The following TNFRSF8 variants were observed in gnomAD, a reference collection of about 807,000 sequenced individuals.
TNFRSF8 encodes tumor necrosis factor receptor superfamily member 8.
Under a neutral mutation model 70.8 loss-of-function variants are expected in TNFRSF8, and 26 were observed. The ratio of observed to expected loss-of-function variants is 0.37; its 90% confidence interval spans 0.27 to 0.51. The LOEUF is 0.51. TNFRSF8 is among the 20% of genes least tolerant of loss of function. TNFRSF8 has a pLI of 0.94. For synonymous variants in TNFRSF8, 356 were observed against 339.2 expected (o/e 1.05, Z -0.54); for missense variants, 720 against 807.9 (o/e 0.89, Z 1.32).
At chr1:12,067,632 T>C (rs1640764490) in intron 1 of TNFRSF8, among the ~76,000 whole-genome samples, 1 of 151,296 alleles carries the variant, frequency 6.6e-6, no homozygotes, top group Admixed American at 6.6e-5. Flanking sequence ...GAGGTTGCAG[T>C]GAGCCAGCAC....
chr1:12,101,578 A>T (rs1641423688), intron 3 of TNFRSF8, among the ~76,000 whole-genome samples: 1 of 152,230 alleles, frequency 6.6e-6, no homozygotes, highest in African/African-American at 2.4e-5. Context: ...GTTTGTTTAT[A>T]CCAACATCTC....
chr1:12,104,310 A>G, intron 3 of TNFRSF8, 69 bp from the exon 4 acceptor site: 1 of 1,576,568 alleles, frequency 6.3e-7, no homozygotes, highest in Non-Finnish European at 8.7e-7. Flanking sequence ...TCTCCCCCTC[A>G]TCTCAAGAGC....
intron 8 of TNFRSF8, among the ~76,000 whole-genome samples, chr1:12,116,527 G>A (rs909953766): frequency 2.6e-5 from 4 of 152,080 alleles, no homozygotes; most frequent in African/African-American, 4.8e-5. Context: ...ATGGCCAGGC[G>A]TGGTGGCTCA....
At chr1:12,103,829 A>G (rs1641467663) in intron 3 of TNFRSF8, among the ~76,000 whole-genome samples, 2 of 152,192 alleles carry the variant, frequency 1.3e-5, no homozygotes, top group African/African-American at 4.8e-5. Context: ...GTGTGGCACA[A>G]TTGTTAGCAT....
At chr1:12,125,818 G>C in intron 10 of TNFRSF8, 133 bp from the exon 11 acceptor site, 1 of 770,928 alleles carries the variant, frequency 1.3e-6, no homozygotes. Context: ...TAAGAGCCTT[G>C]GCTTGGAAAG....
At chr1:12,076,395 C>T (rs889887256) in intron 1 of TNFRSF8, among the ~76,000 whole-genome samples, 5 of 152,094 alleles carry the variant, frequency 3.3e-5, no homozygotes, top group African/African-American at 9.7e-5. Context: ...CTACCGTGCC[C>T]GGCCTCAGTT....
chr1:12,089,291 A>G (rs1226856301), intron 2 of TNFRSF8, among the ~76,000 whole-genome samples: 1 of 152,086 alleles, frequency 6.6e-6, no homozygotes, highest in Non-Finnish European at 1.5e-5. Flanking sequence ...GGCTTGGCAC[A>G]TAGTAGAGTC....
Position 12,067,395 on chromosome 1 carries a change from T to G in TNFRSF8, c.63+3734T>G, listed in dbSNP as rs1323094898. Among the ~76,000 whole-genome samples, 4 of 152,086 alleles carry G rather than the reference T, an allele frequency of 2.6e-5. No homozygotes were observed. The East Asian group carries it at 7.7e-4, about 29-fold the overall frequency. ...GGGACCAGGAAGGTTCTCATGAAAGTATCTTAGCTGGGGCCGGGCGCTGTG... is the reference window on the plus strand; with the variant it reads ...GGGACCAGGAAGGTTCTCATGAAAGGATCTTAGCTGGGGCCGGGCGCTGTG... On this transcript the variant is annotated intron_variant, in intron 1 of 14. Transcript: ENST00000263932.
intron 12 of TNFRSF8, among the ~76,000 whole-genome samples, chr1:12,128,767 G>A (rs1362758850): frequency 6.6e-6 from 1 of 151,106 alleles, no homozygotes; most frequent in Non-Finnish European, 1.5e-5. Flanking sequence ...AACCAAAAAT[G>A]TCTCTAGACA....
chr1:12,069,491 T>C (rs1640805969), intron 1 of TNFRSF8, among the ~76,000 whole-genome samples: 1 of 152,038 alleles, frequency 6.6e-6, no homozygotes, highest in Non-Finnish European at 1.5e-5. Context: ...GAAATCTAGT[T>C]TTGAAAATGA....
Position 12,073,585 on chromosome 1 carries a change from T to C in TNFRSF8, c.63+9924T>C, listed in dbSNP as rs372969932. ...CCCTTTCCTTTTCCCTTTCCCTTTT[T>C]CTTTTTCTTTTTTTTTTTTCATTTT... On this transcript the variant is annotated intron_variant, in intron 1 of 14. Transcript: ENST00000263932. Among the ~76,000 whole-genome samples the C allele has an allele frequency of 1.3e-4, 20 of 150,008 alleles. No homozygotes were observed. In the East Asian group the frequency reaches 3.7e-3, roughly 28 times the overall value.
At chr1:12,126,740 T>C (rs1148476) in intron 12 of TNFRSF8, among the ~76,000 whole-genome samples, 117,414 of 152,208 alleles carry the variant, frequency 0.77, 45,496 homozygotes, top group Admixed American at 0.83. Context: ...TGTGTGACCC[T>C]GGGTGAGTTA....
intron 12 of TNFRSF8, among the ~76,000 whole-genome samples, chr1:12,134,713 T>G (rs907970301): frequency 2.6e-5 from 4 of 152,292 alleles, no homozygotes; most frequent in Middle Eastern, 3.4e-3. Context: ...TCAGAAGGGC[T>G]CCACAGCAGA....
At chr1:12,101,410 G>C (rs1641420788) in intron 3 of TNFRSF8, among the ~76,000 whole-genome samples, 4 of 148,760 alleles carry the variant, frequency 2.7e-5, no homozygotes. Context: ...CTGGGCAACA[G>C]AGCAAGACCC....
intron 4 of TNFRSF8, among the ~76,000 whole-genome samples, chr1:12,105,904 A>G (rs1043743224): frequency 7.0e-6 from 1 of 143,116 alleles, no homozygotes; most frequent in Non-Finnish European, 1.5e-5. Context: ...GAGCCATTGC[A>G]CTCCAGCCTG....
chr1:12,142,426 C>G lies in TNFRSF8; in HGVS notation c.1683C>G (p.Pro561=), dbSNP rs760615831. ...ELEADHTPHY[P]EQETEPPLGS... ...AGGCGGACCATACCCCCCACTACCC[C>G]GAGCAGGAGACAGAACCGCCTCTGG... is the stretch of plus-strand genomic sequence containing the variant. The change falls in exon 15 of 15, where the codon CCC becomes CCG. Residue 561 remains proline, a synonymous_variant. Coordinates refer to ENST00000263932, the MANE Select transcript of TNFRSF8 (RefSeq NM_001243.5). This position sits in a 1 kb window ranked among gnomAD's most constrained non-coding sequence, Gnocchi z 5.0. The G allele has an allele frequency of 1.6e-5, 26 of 1,612,438 alleles. No homozygotes were observed. The highest frequency in any genetic ancestry group is 2.1e-5 in the Non-Finnish European group (25 of 1,179,316).
Position 12,138,160 on chromosome 1 carries a change from G to A in TNFRSF8, c.1336-69G>A, listed in dbSNP as rs938461735. On this transcript the variant is annotated intron_variant, in intron 13 of 14. Coordinates refer to ENST00000263932, the MANE Select transcript of TNFRSF8 (RefSeq NM_001243.5). This position sits in a 1 kb window ranked among gnomAD's most constrained non-coding sequence, Gnocchi z 5.7. ...TCTGTAGAGATGAAAAAAAAAAGGG[G>A]CCTCCCAGTTCAGAGACTGGTGGGG... 6.6e-6 allele frequency: 10 copies of A among 1,511,772 alleles called. No individual in the cohort carries two copies. The highest frequency in any genetic ancestry group is 5.6e-5 in the African/African-American group (4 of 70,960). The allele number at this position is 1,511,772 out of a possible 1,614,324, so 93.6% of individuals were successfully genotyped here. A position where few individuals can be genotyped will look rare whatever the true frequency, so the allele number is the denominator to read the frequency against.
In TNFRSF8 at chr1:12,091,374, T is replaced by C. The variant is rs369517758; in HGVS notation, c.152-5727T>C. Among the ~76,000 whole-genome samples, 25 of 152,316 alleles carry C rather than the reference T, an allele frequency of 1.6e-4. 2 individuals carry two copies. The South Asian group carries it at 3.3e-3, about 20-fold the overall frequency. ...GGGGCTTAATCCCTCTGGGGGCCTC[T>C]GGGAGCCAGTGCAGAACAGCTGAGG... On this transcript the variant is annotated intron_variant, in intron 2 of 14. Transcript: ENST00000263932.
intron 2 of TNFRSF8, among the ~76,000 whole-genome samples, chr1:12,094,858 T>C (rs2100982635): frequency 6.6e-6 from 1 of 152,044 alleles, no homozygotes; most frequent in South Asian, 2.1e-4. Flanking sequence ...ACTTATGACC[T>C]CAAATGATCC....
Sources: allele counts gnomAD v4.1 joint callset (sites outside exome capture counted in the v4.1 genomes callset), GRCh38; gene constraint gnomAD v4.1.1; non-coding constraint Gnocchi (gnomAD v3.1); transcripts MANE v1.5; gene names NCBI Gene and HGNC (gene_info 2026-07-23, HGNC 2026-07-21).